Variants in CACNA2D3 observed in about 807,000 individuals in gnomAD.
CACNA2D3 encodes voltage-dependent calcium channel subunit alpha-2/delta-3.
A neutral mutation model predicts 160.6 loss-of-function variants in CACNA2D3; 60 were observed. The observed-to-expected ratio is 0.37, with a 90% CI of 0.30 to 0.46. The LOEUF (loss-of-function observed/expected upper bound fraction) is 0.46. Ranked by LOEUF, CACNA2D3 falls within the 20% of genes least tolerant of loss-of-function variation. The pLI, the probability that CACNA2D3 is intolerant of heterozygous loss-of-function variation, is 1.00. For missense variants in CACNA2D3, 1,205 were observed against 1,365.0 expected (o/e 0.88, Z 1.85); for synonymous variants, 558 against 492.9 (o/e 1.13, Z -1.75).
chr3:55,053,972 C>CT (rs563637833), intron 35 of CACNA2D3, among the ~76,000 whole-genome samples: 1 of 151,630 alleles, frequency 6.6e-6, no homozygotes, highest in Non-Finnish European at 1.5e-5. Flanking sequence ...CTTGTTCATC[C>CT]TCTTTTTTTT....
chr3:54,401,474 A>T (rs1699463118), intron 4 of CACNA2D3, among the ~76,000 whole-genome samples: 1 of 152,232 alleles, frequency 6.6e-6, no homozygotes, highest in Non-Finnish European at 1.5e-5. Flanking sequence ...AAAGTCAATG[A>T]CAAAGAGATA....
chr3:54,393,085 G>T (rs930473817), intron 4 of CACNA2D3, among the ~76,000 whole-genome samples: 12 of 152,214 alleles, frequency 7.9e-5, no homozygotes, highest in African/African-American at 2.9e-4. Context: ...CAGAAGCTCA[G>T]GATGGACGCA....
At chr3:54,294,880 G>C (rs978332612) in intron 2 of CACNA2D3, among the ~76,000 whole-genome samples, 3 of 152,182 alleles carry the variant, frequency 2.0e-5, no homozygotes. Context: ...AGAAGTCAGG[G>C]GTTTGAAATG....
chr3:54,817,624 C>G (rs778965615), intron 14 of CACNA2D3, among the ~76,000 whole-genome samples: 4 of 152,172 alleles, frequency 2.6e-5, no homozygotes, highest in Non-Finnish European at 5.9e-5. Context: ...TGTTGTGTTT[C>G]AAGAGTCAAG....
At chr3:54,784,169 A>G (rs182351006) in intron 13 of CACNA2D3, among the ~76,000 whole-genome samples, 46 of 152,318 alleles carry the variant, frequency 3.0e-4, no homozygotes, top group Admixed American at 7.2e-4. Flanking sequence ...CAAAGCTTCA[A>G]ATACTCAGTT....
At chr3:55,045,668 T>A (rs951743984) in intron 35 of CACNA2D3, among the ~76,000 whole-genome samples, 5 of 152,198 alleles carry the variant, frequency 3.3e-5, no homozygotes, top group Non-Finnish European at 1.5e-5. Flanking sequence ...AGTTATTGAA[T>A]TTATGAGCAT....
intron 2 of CACNA2D3, among the ~76,000 whole-genome samples, chr3:54,284,924 G>C (rs1008180721): frequency 2.0e-5 from 3 of 152,192 alleles, no homozygotes; most frequent in Non-Finnish European, 4.4e-5. Flanking sequence ...GGAAAAGTAT[G>C]TCATAAAGGA....
At chr3:54,468,591 T>A (rs1225256700) in intron 4 of CACNA2D3, among the ~76,000 whole-genome samples, 1 of 151,980 alleles carries the variant, frequency 6.6e-6, no homozygotes, top group East Asian at 1.9e-4. Flanking sequence ...GTTTCCCCCC[T>A]CTGGAAAGTG....
chr3:54,581,377 T>G (rs1237326190), intron 8 of CACNA2D3, among the ~76,000 whole-genome samples: 2 of 152,146 alleles, frequency 1.3e-5, no homozygotes, highest in African/African-American at 4.8e-5. Context: ...TCCCCACTTG[T>G]GTAAGCCACA....
intron 4 of CACNA2D3, among the ~76,000 whole-genome samples, chr3:54,400,936 G>A (rs896264047): frequency 2.6e-5 from 4 of 152,018 alleles, no homozygotes; most frequent in Non-Finnish European, 4.4e-5. Context: ...AAGGAATTCA[G>A]AATAATGATT....
intron 34 of CACNA2D3, 138 bp from the exon 35 acceptor site, chr3:55,018,068 A>G (rs1385551014): frequency 6.6e-6 from 4 of 609,322 alleles, no homozygotes; most frequent in Non-Finnish European, 8.9e-6. Flanking sequence ...TAATTAGAAA[A>G]TAATGCATTA....
intron 2 of CACNA2D3, among the ~76,000 whole-genome samples, chr3:54,267,189 G>T (rs1184523395): frequency 6.6e-6 from 1 of 152,140 alleles, no homozygotes; most frequent in Non-Finnish European, 1.5e-5. Flanking sequence ...CAATAGTTTT[G>T]TGTACTCATT....
chr3:54,242,349 A>G (rs1395073189), intron 2 of CACNA2D3, among the ~76,000 whole-genome samples: 1 of 149,190 alleles, frequency 6.7e-6, no homozygotes, highest in Non-Finnish European at 1.5e-5. Context: ...AGGCTGAGGC[A>G]GGATAATCAC....
intron 11 of CACNA2D3, among the ~76,000 whole-genome samples, chr3:54,672,760 G>A (rs1228491824): frequency 6.6e-6 from 1 of 152,186 alleles, no homozygotes; most frequent in Non-Finnish European, 1.5e-5. Flanking sequence ...GCTGTCCCGT[G>A]TGTGAGTTAG....
intron 4 of CACNA2D3, among the ~76,000 whole-genome samples, chr3:54,442,939 A>C (rs1375559995): frequency 1.3e-5 from 2 of 152,190 alleles, no homozygotes; most frequent in African/African-American, 4.8e-5. Context: ...TATGAAACCC[A>C]TTCCACCATA....
intron 9 of CACNA2D3, among the ~76,000 whole-genome samples, chr3:54,593,004 T>G (rs1326340853): frequency 6.6e-6 from 1 of 152,182 alleles, no homozygotes; most frequent in Non-Finnish European, 1.5e-5. Context: ...TTATGAATCA[T>G]AAGCAGAAAG....
chr3:54,463,248 C>A (rs146756752), intron 4 of CACNA2D3, among the ~76,000 whole-genome samples: 1 of 151,904 alleles, frequency 6.6e-6, no homozygotes, highest in Admixed American at 6.6e-5. Context: ...CTGACAATTA[C>A]GTGTCTTGGA....
At chr3:54,474,246 C>T (rs55703836) in intron 4 of CACNA2D3, among the ~76,000 whole-genome samples, 7,488 of 152,074 alleles carry the variant, frequency 0.049, 617 homozygotes, top group African/African-American at 0.17. Flanking sequence ...ATGTCCTTTG[C>T]GGGGACATGG....
chr3:54,424,523 G>A (rs1699885079), intron 4 of CACNA2D3, among the ~76,000 whole-genome samples: 1 of 152,200 alleles, frequency 6.6e-6, no homozygotes, highest in African/African-American at 2.4e-5. Flanking sequence ...CTCTCTGAAG[G>A]AAGGCTTTAC....
Sources: allele counts gnomAD v4.1 joint callset (sites outside exome capture counted in the v4.1 genomes callset), GRCh38; gene constraint gnomAD v4.1.1; transcripts MANE v1.5; gene names NCBI Gene and HGNC (gene_info 2026-07-23, HGNC 2026-07-21).